Variants in LCN8 observed in about 807,000 individuals in gnomAD.
LCN8 encodes the protein epididymal-specific lipocalin-8.
Under a neutral mutation model 22.8 loss-of-function variants are expected in LCN8, and 16 were observed. The ratio of observed to expected loss-of-function variants is 0.70; its 90% CI spans 0.47 to 1.06. The LOEUF (loss-of-function observed/expected upper bound fraction) is 1.06, where lower values mean the gene tolerates loss of function less well. Among genes scored for constraint, LCN8 ranks in the 50% least tolerant of loss-of-function variants. The probability of loss-of-function intolerance (pLI) is 0.00; values close to 1 mark genes in which losing one functional copy is unlikely to be tolerated. For synonymous variants in LCN8, 92 were observed against 83.4 expected (o/e 1.10, Z -0.56); for missense variants, 189 against 203.3 (o/e 0.93, Z 0.43).
chr9:136,757,071 C>A lies in LCN8; in HGVS notation c.122G>T (p.Gly41Val). Residue 41 changes from glycine to valine, a missense_variant, in exon 2 of 7, where the codon GGG (glycine) becomes GTG (valine). Coordinates refer to ENST00000371688, the MANE Select transcript of LCN8 (RefSeq NM_178469.4). ...RVEGLFLTLSGSNLTVKVAYN... is the reference protein window; with the variant it reads ...RVEGLFLTLSVSNLTVKVAYN... ...TGCAACCTTCACGGTCAGGTTACTCCCGCTCAAGGTGAGGAACAAGCCCTC... is the reference window on the plus strand; with the variant it reads ...TGCAACCTTCACGGTCAGGTTACTCACGCTCAAGGTGAGGAACAAGCCCTC... 6.2e-7 allele frequency: 1 copy of A among 1,613,468 alleles called. No homozygotes were observed. The highest frequency in any genetic ancestry group is 8.5e-7 in the Non-Finnish European group (1 of 1,179,788).
At chr9:136,758,359 C>A (rs560453883), upstream of LCN8, 6 of 1,038,888 alleles carry the variant, frequency 5.8e-6, no homozygotes, top group Non-Finnish European at 7.0e-6. Flanking sequence ...GCCTGCGCTG[C>A]GAGGGCTGTG....
At chr9:136,754,807 C>A (rs1183826120) in intron 6 of LCN8, 5 of 1,377,148 alleles carry the variant, frequency 3.6e-6, no homozygotes, top group Non-Finnish European at 3.7e-6. Context: ...CAGAAGCAGC[C>A]GGCAGTCCTG....
chr9:136,758,385 C>T (rs577213751), upstream of LCN8: 34 of 1,010,022 alleles, frequency 3.4e-5, no homozygotes, highest in East Asian at 2.8e-4. Context: ...TGATGGGCAA[C>T]GGACCAGAGC....
chr9:136,758,256 T>A, upstream of LCN8: 1 of 1,243,214 alleles, frequency 8.0e-7, no homozygotes. Context: ...TGGGGCCGTC[T>A]CGGAGCCTGA....
In LCN8 at chr9:136,755,100, C is replaced by T. The variant is rs755155780; in HGVS notation, c.447+35G>A. The T allele has an allele frequency of 3.3e-6, 5 of 1,501,084 alleles. No homozygotes were observed. The African/African-American group carries it at 5.6e-5, about 17-fold the overall frequency. The allele number at this position is 1,501,084 out of a possible 1,614,324, so 93.0% of individuals were successfully genotyped here. A position where few individuals can be genotyped will look rare whatever the true frequency, so the allele number is the denominator to read the frequency against. On this transcript the variant is annotated intron_variant, in intron 6 of 6. Transcript: ENST00000371688. ...AGGGACTGGGCCAGGGGCCCGGGAA[C>T]TTCAGCACAGGCCAGGGTCGGGGGT... is the stretch of plus-strand genomic sequence containing the variant.
intron 2 of LCN8, among the ~76,000 whole-genome samples, 192 bp downstream of exon 2, chr9:136,756,846 G>C (rs1847219144): frequency 6.6e-6 from 1 of 152,210 alleles, no homozygotes; most frequent in Non-Finnish European, 1.5e-5. Flanking sequence ...AAAACACTAT[G>C]CTTATATTTG....
chr9:136,757,421 G>A (rs1425168998), intron 1 of LCN8: 42 of 1,409,580 alleles, frequency 3.0e-5, no homozygotes, highest in East Asian at 1.6e-4. Context: ...CTAGAGCTGC[G>A]GAACAGTCCC....
rs200832753 is a variant in LCN8, at chr9:136,755,386, G to A, written c.331+26C>T. 29 of 1,610,912 alleles carry A rather than the reference G, an allele frequency of 1.8e-5. No individual in the cohort carries two copies. In the African/African-American group the frequency reaches 3.5e-4, roughly 19 times the overall value. On this transcript the variant is annotated intron_variant, in intron 4 of 6. Transcript: ENST00000371688. ...CAGTCCCTGGGAGAGCAGCAGCTGG[G>A]CAGAGCCCCCCAGGGCCAAGCTTAC... is the stretch of plus-strand genomic sequence containing the variant.
At chr9:136,757,728 T>C (rs1847244000) in intron 1 of LCN8, 179 bp downstream of exon 1, 2 of 985,344 alleles carry the variant, frequency 2.0e-6, no homozygotes, top group South Asian at 4.7e-5. Flanking sequence ...GGCCTGCTAA[T>C]GTGCCTCTGG....
intron 4 of LCN8, 36 bp from the exon 5 acceptor site, chr9:136,755,369 G>T: frequency 6.2e-7 from 1 of 1,610,602 alleles, no homozygotes; most frequent in South Asian, 1.1e-5. Flanking sequence ...GGCAGTCCCT[G>T]GGAGAGCAGC....
rs143742468 is a variant in LCN8, at chr9:136,754,463, C to T, written c.*35G>A. ...CCCAGGAGGGGCAGGGGTGGGCGGG[C>T]GCTCCGAACCTTGTGGTCTGAGGCA... On this transcript the variant is annotated 3_prime_UTR_variant, in exon 7 of 7. Coordinates refer to ENST00000371688, the MANE Select transcript of LCN8 (RefSeq NM_178469.4). The T allele has an allele frequency of 9.7e-3, 15,104 of 1,555,822 alleles. 102 individuals are homozygous for T. The highest frequency in any genetic ancestry group is 0.011 in the Non-Finnish European group (12,769 of 1,149,606).
intron 3 of LCN8, chr9:136,756,257 G>T: frequency 1.4e-6 from 2 of 1,420,800 alleles, no homozygotes; most frequent in Non-Finnish European, 1.9e-6. Context: ...ATGGGGAATG[G>T]CGCAGAGAAA....
intron 3 of LCN8, chr9:136,755,802 CA>C: frequency 6.9e-7 from 1 of 1,452,254 alleles, no homozygotes; most frequent in African/African-American, 1.4e-5. Flanking sequence ...GTGCAGGGAA[CA>C]GCATGGGGAA....
At chr9:136,755,941 G>C (rs1480765546) in intron 3 of LCN8, 1 of 1,303,852 alleles carries the variant, frequency 7.7e-7, no homozygotes, top group Non-Finnish European at 1.0e-6. Flanking sequence ...AACAGCATGG[G>C]GAACAGTGCA....
At chr9:136,756,981 C>T (rs904367549) in intron 2 of LCN8, 57 bp downstream of exon 2, 22 of 1,580,462 alleles carry the variant, frequency 1.4e-5, no homozygotes, top group East Asian at 6.9e-5. Context: ...CAGCAACCCA[C>T]GCCCAGTCCC....
intron 1 of LCN8, chr9:136,757,660 A>T: frequency 1.4e-6 from 2 of 1,429,432 alleles, no homozygotes; most frequent in Non-Finnish European, 1.8e-6. Context: ...TGAGACTTTT[A>T]AAAACCCTAC....
chr9:136,755,557 G>C (rs1564331308), intron 3 of LCN8, 41 bp from the exon 4 acceptor site: 1 of 1,588,408 alleles, frequency 6.3e-7, no homozygotes, highest in Non-Finnish European at 8.6e-7. Flanking sequence ...ACGTCTGAGG[G>C]GGACGGACCT....
intron 6 of LCN8, chr9:136,754,921 C>T (rs1254612829): frequency 7.3e-7 from 1 of 1,379,008 alleles, no homozygotes; most frequent in Middle Eastern, 2.7e-4. Context: ...AGCCTAGGGT[C>T]ACCACCCTGG....
chr9:136,755,759 T>C (rs1227775512), intron 3 of LCN8: 9 of 1,480,414 alleles, frequency 6.1e-6, no homozygotes, highest in Non-Finnish European at 7.2e-6. Context: ...GGGAACAGCA[T>C]GGGGAACGGT....
Sources: gnomAD v4.1 joint callset for allele counts (sites outside exome capture counted in the v4.1 genomes callset) on GRCh38, gnomAD v4.1.1 for gene constraint, MANE v1.5 for transcripts, NCBI Gene and HGNC (gene_info 2026-07-23, HGNC 2026-07-21) for gene names.